Variants in CFAP53 observed in about 807,000 individuals in gnomAD.
CFAP53 encodes the protein cilia- and flagella-associated protein 53.
Under a neutral mutation model 59.7 loss-of-function variants are expected in CFAP53, and 62 were observed. The observed-to-expected ratio is 1.04, with a 90% CI of 0.85 to 1.28. The LOEUF is 1.28. Ranked by LOEUF, CFAP53 falls within the 50% of genes most tolerant of loss-of-function variation. The pLI, the probability that CFAP53 is intolerant of heterozygous loss-of-function variation, is 0.00. For missense variants in CFAP53, 629 were observed against 615.6 expected, an observed-to-expected ratio of 1.02 and a Z score of -0.23; for synonymous variants, 218 against 205.7, an observed-to-expected ratio of 1.06 and a Z score of -0.51.
At chr18:50,235,715 A>T (rs2033627041) in intron 7 of CFAP53, among the ~76,000 whole-genome samples, 1 of 152,036 alleles carries the variant, frequency 6.6e-6, no homozygotes, top group Non-Finnish European at 1.5e-5. Context: ...GAACTCCATG[A>T]CTCTCCTTTG....
chr18:50,262,108 G>A lies in CFAP53; in HGVS notation c.181C>T (p.Arg61Cys), dbSNP rs550993731. 51 of 1,614,074 alleles carry A rather than the reference G, an allele frequency of 3.2e-5. No individual in the cohort carries two copies. Among genetic ancestry groups the A allele is most frequent in the Middle Eastern group, 3.3e-4 (2 of 6,084 alleles). ...TGCTGGTCCCACTCAGCTTTCAAGC[G>A]ATCCCGCTCACTTGACTTAATGGAA... ...LASIKSSERD[R>C]LKAEWDQHND... Residue 61 changes from arginine to cysteine, a missense_variant, in exon 2 of 8, where the codon CGC (arginine) becomes TGC (cysteine). Physicochemically the swap from Arg to Cys is radical, Grantham distance 180. Transcript: ENST00000398545.
chr18:50,261,289 A>T, intron 2 of CFAP53, 52 bp from the exon 3 acceptor site: 4 of 1,437,626 alleles, frequency 2.8e-6, no homozygotes, highest in Non-Finnish European at 3.6e-6. Flanking sequence ...GTCATGCTAC[A>T]TGCATCGTTA....
chr18:50,252,295 G>A (rs143080528), intron 3 of CFAP53, among the ~76,000 whole-genome samples: 2,056 of 151,974 alleles, frequency 0.014, 37 homozygotes, highest in African/African-American at 0.046. Context: ...TAGTAGAGAC[G>A]GGGTTTCACC....
chr18:50,227,955 C>T (rs1451629942), intron 7 of CFAP53, among the ~76,000 whole-genome samples: 4 of 90,100 alleles, frequency 4.4e-5, no homozygotes, highest in African/African-American at 4.4e-5. Context: ...AACTTTTCTC[C>T]TTTTTTTTTT....
chr18:50,235,467 T>C (rs2033624697), intron 7 of CFAP53, among the ~76,000 whole-genome samples: 1 of 152,186 alleles, frequency 6.6e-6, no homozygotes, highest in Admixed American at 6.5e-5. Context: ...CTTGGGAGGC[T>C]GAGGCAGGAG....
At chr18:50,247,222 C>T (rs1287839722) in intron 5 of CFAP53, among the ~76,000 whole-genome samples, 1 of 152,030 alleles carries the variant, frequency 6.6e-6, no homozygotes, top group East Asian at 1.9e-4. Flanking sequence ...TATCATTAGT[C>T]ACTAGGGAAA....
In CFAP53 at chr18:50,242,953, C is replaced by T. The variant is rs2033705791; in HGVS notation, c.1160G>A (p.Arg387Lys). Residue 387 changes from arginine to lysine, a missense_variant, in exon 6 of 8, where the codon AGA becomes AAA. Physicochemically the swap from Arg to Lys is conservative, Grantham distance 26. Coordinates refer to ENST00000398545, the MANE Select transcript of CFAP53 (RefSeq NM_145020.5). ...ACACATGACCTCATCCACAAGCTGT[C>T]TCCTTGCCTCCTTTTCAAGTCTCAG... ...KELRLEKEAR[R>K]QLVDEVMCTR... 1.9e-6 allele frequency: 3 copies of T among 1,614,010 alleles called. No homozygotes were observed. Among genetic ancestry groups the T allele is most frequent in the Non-Finnish European group, 2.5e-6 (3 of 1,180,018 alleles).
intron 5 of CFAP53, among the ~76,000 whole-genome samples, chr18:50,244,089 C>T (rs1407298340): frequency 6.6e-6 from 1 of 152,194 alleles, no homozygotes; most frequent in African/African-American, 2.4e-5. Flanking sequence ...TTATTTAGCG[C>T]AGGCATTTTT....
At chr18:50,233,477 C>T (rs2144402614) in intron 7 of CFAP53, among the ~76,000 whole-genome samples, 1 of 152,272 alleles carries the variant, frequency 6.6e-6, no homozygotes, top group South Asian at 2.1e-4. Context: ...GATTACCACC[C>T]AGATGAATTT....
chr18:50,229,421 C>T lies in CFAP53; in HGVS notation c.1317-1812G>A, dbSNP rs1316684010. Among the ~76,000 whole-genome samples, 5 of 152,170 alleles carry T rather than the reference C, an allele frequency of 3.3e-5. No individual in the cohort carries two copies. The South Asian group carries it at 6.2e-4, about 19-fold the overall frequency. Reference sequence around the variant, plus strand: ...TGTGGCATGTGACAGGATTTCCTTGCTTTTTAAGGCTGAAAAATATTCCAT... The same window carrying T: ...TGTGGCATGTGACAGGATTTCCTTGTTTTTTAAGGCTGAAAAATATTCCAT... On this transcript the variant is annotated intron_variant, in intron 7 of 7. Coordinates refer to ENST00000398545, the MANE Select transcript of CFAP53 (RefSeq NM_145020.5).
chr18:50,238,098 G>T (rs1228771202), intron 7 of CFAP53, among the ~76,000 whole-genome samples: 1 of 152,092 alleles, frequency 6.6e-6, no homozygotes, highest in Non-Finnish European at 1.5e-5. Context: ...ATACATAATG[G>T]CAATGGAATT....
intron 3 of CFAP53, among the ~76,000 whole-genome samples, chr18:50,253,145 T>C (rs2033817199): frequency 6.6e-6 from 1 of 151,308 alleles, no homozygotes; most frequent in African/African-American, 2.4e-5. Flanking sequence ...GCCTCCGGAG[T>C]AGCTGGGACC....
At chr18:50,244,657 G>T (rs2033724804) in intron 5 of CFAP53, among the ~76,000 whole-genome samples, 1 of 152,102 alleles carries the variant, frequency 6.6e-6, no homozygotes, top group Non-Finnish European at 1.5e-5. Context: ...AAAGTCTGTT[G>T]GTGGACAGTA....
chr18:50,262,024 C>G lies in CFAP53; in HGVS notation c.265G>C (p.Gly89Arg), dbSNP rs776864127. ...CTTTCTTCAATGTTAATGATAAACC[C>G]TTGCACAGCATCCTTGATTCTTGCT... ...VRARIKDAVQGFIINIEERRN... is the reference protein window; with the variant it reads ...VRARIKDAVQRFIINIEERRN... The change falls in exon 2 of 8, where the codon GGG (glycine) becomes CGG (arginine). Residue 89 changes from glycine to arginine, a missense_variant. Gly to Arg is a moderately radical substitution (Grantham distance 125). Transcript: ENST00000398545. 1.9e-6 allele frequency: 3 copies of G among 1,613,964 alleles called. No homozygotes were observed. The highest frequency in any genetic ancestry group is 2.7e-5 in the African/African-American group (2 of 74,912).
chr18:50,261,835 A>T lies in CFAP53; in HGVS notation c.299+155T>A, dbSNP rs575651171. On this transcript the variant is annotated intron_variant, in intron 2 of 7. Transcript: ENST00000398545. ...TTTCATCAAAATACAGGCTATCACA[A>T]ATAAAAATATTAAAAATATTAACCA... 2.0e-5 allele frequency among the ~76,000 whole-genome samples: 3 copies of T among 152,342 alleles called. No homozygotes were observed. The East Asian group carries it at 5.8e-4, about 29-fold the overall frequency.
At chr18:50,254,696 C>A (rs753909732) in intron 3 of CFAP53, among the ~76,000 whole-genome samples, 1 of 152,174 alleles carries the variant, frequency 6.6e-6, no homozygotes, top group Non-Finnish European at 1.5e-5. Flanking sequence ...CAAGACCAGC[C>A]TGACCAACAT....
chr18:50,244,776 C>A (rs1010575909), intron 5 of CFAP53, among the ~76,000 whole-genome samples: 1 of 152,058 alleles, frequency 6.6e-6, no homozygotes, highest in Admixed American at 6.6e-5. Context: ...ACTATTGAAA[C>A]TTGGCCAGGC....
At chr18:50,238,954 C>A (rs1452494755) in intron 6 of CFAP53, among the ~76,000 whole-genome samples, 1 of 151,642 alleles carries the variant, frequency 6.6e-6, no homozygotes, top group Non-Finnish European at 1.5e-5. Context: ...TTTTTCATAC[C>A]AGATTACTAA....
intron 6 of CFAP53, among the ~76,000 whole-genome samples, chr18:50,239,989 A>G (rs770451658): frequency 3.1e-4 from 47 of 152,234 alleles, no homozygotes; most frequent in Non-Finnish European, 7.3e-5. Context: ...AAGAATCAAT[A>G]TGTCAGTATG....
Sources: allele counts gnomAD v4.1 joint callset (sites outside exome capture counted in the v4.1 genomes callset), GRCh38; gene constraint gnomAD v4.1.1; transcripts MANE v1.5; gene names NCBI Gene and HGNC (gene_info 2026-07-23, HGNC 2026-07-21).